The following EPB41L4A variants were observed in gnomAD, a reference collection of about 807,000 sequenced individuals.
EPB41L4A encodes erythrocyte membrane protein band 4.1 like 4A.
Under a neutral mutation model 108.6 loss-of-function variants are expected in EPB41L4A, and 100 were observed. The observed-to-expected ratio is 0.92, with a 90% confidence interval of 0.78 to 1.09. The LOEUF is 1.09. Ranked by LOEUF, EPB41L4A falls within the 50% of genes least tolerant of loss-of-function variation. The pLI, the probability that EPB41L4A is intolerant of heterozygous loss-of-function variation, is 0.00. For missense variants in EPB41L4A, 1,030 were observed against 842.7 expected (o/e 1.22, Z -2.75); for synonymous variants, 319 against 289.0 (o/e 1.10, Z -1.05).
chr5:112,217,867 G>A (rs970571247), intron 12 of EPB41L4A, among the ~76,000 whole-genome samples: 5 of 152,170 alleles, frequency 3.3e-5, no homozygotes, highest in African/African-American at 4.8e-5. Flanking sequence ...TGGGTGTGGA[G>A]GAGAAAGATG....
At chr5:112,318,783 A>G (rs1290005064) in intron 1 of EPB41L4A, among the ~76,000 whole-genome samples, 1 of 152,242 alleles carries the variant, frequency 6.6e-6, no homozygotes, top group African/African-American at 2.4e-5. Context: ...ACTCTCACAA[A>G]GAAGAGTTAA....
intron 7 of EPB41L4A, among the ~76,000 whole-genome samples, chr5:112,260,986 C>G (rs1212837098): frequency 6.6e-6 from 1 of 152,136 alleles, no homozygotes; most frequent in Admixed American, 6.5e-5. Context: ...TTAGGATAAA[C>G]ATTATACAAA....
chr5:112,382,845 A>T (rs1760260452), intron 1 of EPB41L4A, among the ~76,000 whole-genome samples: 1 of 152,176 alleles, frequency 6.6e-6, no homozygotes, highest in Non-Finnish European at 1.5e-5. Flanking sequence ...CCAACCTCTT[A>T]CTGGGCAATC....
intron 1 of EPB41L4A, among the ~76,000 whole-genome samples, chr5:112,413,429 T>C (rs1762525929): frequency 6.6e-6 from 1 of 152,222 alleles, no homozygotes; most frequent in African/African-American, 2.4e-5. Flanking sequence ...ATCTAGAAGA[T>C]TTTCAATACA....
intron 9 of EPB41L4A, among the ~76,000 whole-genome samples, chr5:112,241,435 T>C (rs1203692158): frequency 6.6e-6 from 1 of 152,220 alleles, no homozygotes; most frequent in Non-Finnish European, 1.5e-5. Flanking sequence ...CCAGTAGTTA[T>C]TTGATTCTCT....
Position 112,365,876 on chromosome 5 carries a change from A to G in EPB41L4A, c.99+53065T>C, listed in dbSNP as rs546916723. Among the ~76,000 whole-genome samples, 49 of 152,336 alleles carry G rather than the reference A, an allele frequency of 3.2e-4. 1 individual carries two copies. In the South Asian group the frequency reaches 9.9e-3, roughly 31 times the overall value. On this transcript the variant is annotated intron_variant, in intron 1 of 22. Coordinates refer to ENST00000261486, the MANE Select transcript of EPB41L4A (RefSeq NM_022140.5). ...GATTTTCTCCTAAAACTTGATTTAG[A>G]AAACATCGGATTTCAAAATGATCAG...
At chr5:112,146,396 G>C (rs1759257447) in intron 12 of EPB41L4A, among the ~76,000 whole-genome samples, 1 of 152,152 alleles carries the variant, frequency 6.6e-6, no homozygotes, top group Non-Finnish European at 1.5e-5. Context: ...AGAAACCCAG[G>C]TTTTGTGTTT....
At chr5:112,363,580 G>A (rs572629586) in intron 1 of EPB41L4A, 1 of 152,460 alleles carries the variant, frequency 6.6e-6, no homozygotes, top group South Asian at 2.1e-4. Flanking sequence ...GGTCAGACAT[G>A]TTCTGAAACT....
chr5:112,397,359 G>A (rs1412160140), intron 1 of EPB41L4A, among the ~76,000 whole-genome samples: 3 of 152,134 alleles, frequency 2.0e-5, no homozygotes, highest in African/African-American at 7.2e-5. Flanking sequence ...TTTTACCATA[G>A]CAAAATAGCC....
intron 1 of EPB41L4A, among the ~76,000 whole-genome samples, chr5:112,364,051 G>A (rs573151986): frequency 1.6e-4 from 25 of 151,998 alleles, no homozygotes; most frequent in East Asian, 7.7e-4. Flanking sequence ...ATTTTTAGAC[G>A]GAGTCTCGCT....
chr5:112,307,036 C>T (rs1245496297), intron 2 of EPB41L4A, among the ~76,000 whole-genome samples: 1 of 152,024 alleles, frequency 6.6e-6, no homozygotes, highest in Non-Finnish European at 1.5e-5. Context: ...TAATATCTCT[C>T]ACCTCAAGAG....
intron 1 of EPB41L4A, among the ~76,000 whole-genome samples, chr5:112,326,368 C>G (rs115279835): frequency 0.016 from 2,455 of 152,150 alleles, 64 homozygotes; most frequent in South Asian, 0.057. Context: ...AAATAGTTCA[C>G]CAGAGCCTTT....
At chr5:112,294,737 G>A (rs969311547) in intron 2 of EPB41L4A, among the ~76,000 whole-genome samples, 2 of 151,856 alleles carry the variant, frequency 1.3e-5, no homozygotes, top group African/African-American at 4.8e-5. Flanking sequence ...GTTCAGTGGA[G>A]CTACGGCGTA....
intron 1 of EPB41L4A, among the ~76,000 whole-genome samples, chr5:112,316,802 T>C (rs1755453819): frequency 6.6e-6 from 1 of 152,174 alleles, no homozygotes; most frequent in South Asian, 2.1e-4. Flanking sequence ...TGGTGTTGGC[T>C]GGAGAGGTCT....
chr5:112,169,088 A>G lies in EPB41L4A; in HGVS notation c.1757T>C (p.Ile586Thr), dbSNP rs1260999595. The G allele has an allele frequency of 1.2e-6, 2 of 1,613,972 alleles. No individual in the cohort carries two copies. Among genetic ancestry groups the G allele is most frequent in the Non-Finnish European group, 1.7e-6 (2 of 1,179,832 alleles). Residue 586 changes from isoleucine (I) to threonine (T), a missense_variant, in exon 21 of 23, where the codon ATC becomes ACC. Physicochemically the swap from Ile to Thr is moderately conservative, Grantham distance 89. Coordinates refer to ENST00000261486, the MANE Select transcript of EPB41L4A (RefSeq NM_022140.5). Reference protein sequence around the residue: ...YTKIETQGDPIRIRHSHSPRS... With the variant: ...YTKIETQGDPTRIRHSHSPRS... ...TGGCGAATGAGAATGCCTGATGCGG[A>G]TTGGGTCACCTTGTGTCCTGAACAA...
At chr5:112,198,025 A>T (rs540092339) in intron 15 of EPB41L4A, among the ~76,000 whole-genome samples, 1 of 152,010 alleles carries the variant, frequency 6.6e-6, no homozygotes, top group African/African-American at 2.4e-5. Flanking sequence ...ACTGTTAAGC[A>T]GCCCAATTTT....
chr5:112,408,465 C>T (rs1762213123), intron 1 of EPB41L4A, among the ~76,000 whole-genome samples: 2 of 151,920 alleles, frequency 1.3e-5, no homozygotes, highest in South Asian at 4.1e-4. Flanking sequence ...TGATAAGGAA[C>T]TTGCATTCAG....
Position 112,408,691 on chromosome 5 carries a change from AAAAAAAAAAAAAAAAAAAAAAAAAAAAG to A in EPB41L4A, c.99+10222_99+10249del, listed in dbSNP as rs536610302. ...ACTCCATCTCAAAAAAAAAAAAAAAAAAAAAAAAAAAAAAAAAAAAAAAAAAAGGGCCAGTAAGCACAAGAAAAGATGC... is the reference window on the plus strand; with the variant it reads ...ACTCCATCTCAAAAAAAAAAAAAAAAGGCCAGTAAGCACAAGAAAAGATGC... On this transcript the variant is annotated intron_variant, in intron 1 of 22. Coordinates refer to ENST00000261486, the MANE Select transcript of EPB41L4A (RefSeq NM_022140.5). 9.5e-3 allele frequency among the ~76,000 whole-genome samples: 678 copies of A among 71,704 alleles called. 9 individuals are homozygous for A. Among genetic ancestry groups the A allele is most frequent in the African/African-American group, 0.019 (471 of 24,984 alleles). 47.0% of individuals were successfully genotyped at this position (71,704 alleles called of 152,430 possible). A position where few individuals can be genotyped will look rare whatever the true frequency, so the allele number is the denominator to read the frequency against.
At chr5:112,335,526 C>T (rs1756860820) in intron 1 of EPB41L4A, among the ~76,000 whole-genome samples, 1 of 152,160 alleles carries the variant, frequency 6.6e-6, no homozygotes, top group Admixed American at 6.5e-5. Flanking sequence ...CTGGCATTTT[C>T]CAGATGGCCA....
Sources: allele counts gnomAD v4.1 joint callset (sites outside exome capture counted in the v4.1 genomes callset), GRCh38; gene constraint gnomAD v4.1.1; transcripts MANE v1.5; gene names NCBI Gene and HGNC (gene_info 2026-07-23, HGNC 2026-07-21).